ARNT: variants seen among roughly 807,000 people sequenced by gnomAD.
ARNT encodes aryl hydrocarbon receptor nuclear translocator.
Under a neutral mutation model 105.0 loss-of-function variants are expected in ARNT, and 30 were observed. The observed-to-expected ratio is 0.29, with a 90% CI of 0.21 to 0.39. The LOEUF is 0.39. Ranked by LOEUF, ARNT falls within the 10% of genes least tolerant of loss-of-function variation. ARNT has a pLI of 1.00. For synonymous variants in ARNT, 304 were observed against 344.0 expected (o/e 0.88, Z 1.29); for missense variants, 748 against 978.7 (o/e 0.76, Z 3.15).
chr1:150,839,242 T>C (rs1026859585), intron 6 of ARNT, among the ~76,000 whole-genome samples, 199 bp downstream of exon 6: 1 of 152,244 alleles, frequency 6.6e-6, no homozygotes, highest in African/African-American at 2.4e-5. Flanking sequence ...TTAATACTTA[T>C]TAGCTTATTA....
chr1:150,856,402 T>C (rs1437174531), intron 2 of ARNT, among the ~76,000 whole-genome samples: 1 of 151,616 alleles, frequency 6.6e-6, no homozygotes, highest in Non-Finnish European at 1.5e-5. Flanking sequence ...ATCACACTAC[T>C]GCACTCCAGC....
chr1:150,817,357 T>C lies in ARNT; in HGVS notation c.1578+4A>G, dbSNP rs763694765. 3.5e-5 allele frequency: 57 copies of C among 1,613,962 alleles called. No individual in the cohort carries two copies. The highest frequency in any genetic ancestry group is 4.4e-5 in the Non-Finnish European group (52 of 1,180,008). ...CCCTCTTCAACGAAGAGGACACAAC[T>C]CACCTGGGAATGATTGTAGCTGGCC... On this transcript the variant is annotated splice_donor_region_variant and intron_variant, in intron 16 of 21. Coordinates refer to ENST00000358595, the MANE Select transcript of ARNT (RefSeq NM_001668.4).
At chr1:150,852,186 T>C (rs1663748782) in intron 3 of ARNT, among the ~76,000 whole-genome samples, 1 of 152,198 alleles carries the variant, frequency 6.6e-6, no homozygotes, top group African/African-American at 2.4e-5. Context: ...ATGTACTTCC[T>C]TGTGTAACCC....
In ARNT at chr1:150,839,609, T is replaced by C. The variant is rs1275669157; in HGVS notation, c.318A>G (p.Thr106=). 1 of 1,614,190 alleles carries C rather than the reference T, an allele frequency of 6.2e-7. No individual in the cohort carries two copies. Among genetic ancestry groups the C allele is most frequent in the Admixed American group, 1.7e-5 (1 of 60,016 alleles). Residue 106 remains threonine (T), a synonymous_variant, in exon 6 of 22, where the codon ACA becomes ACG. Transcript: ENST00000358595. ...TATCTGACAGTTCTGTGATGTAGGC[T>C]GTCATCTTGTTCCGTCGCCGCCGTT... ...EIERRRRNKM[T]AYITELSDMV...
intron 3 of ARNT, among the ~76,000 whole-genome samples, chr1:150,848,024 G>A (rs898051343): frequency 2.6e-5 from 4 of 152,094 alleles, no homozygotes; most frequent in African/African-American, 9.7e-5. Context: ...AAAATGGCAA[G>A]CAATTTACAA....
At chr1:150,820,954 G>A (rs1239063354) in intron 14 of ARNT, among the ~76,000 whole-genome samples, 7 of 152,128 alleles carry the variant, frequency 4.6e-5, no homozygotes, top group Admixed American at 1.3e-4. Context: ...CTCCCAAAAC[G>A]TTACTACTAA....
chr1:150,860,183 G>A (rs1444370210), intron 1 of ARNT, among the ~76,000 whole-genome samples: 1 of 145,024 alleles, frequency 6.9e-6, no homozygotes, highest in Non-Finnish European at 1.5e-5. Flanking sequence ...CCAACAGAGT[G>A]AAAAGGCAAC....
chr1:150,836,502 GA>G lies in ARNT; in HGVS notation c.487-10del. The G allele has an allele frequency of 6.2e-7, 1 of 1,610,962 alleles. No individual in the cohort carries two copies. Among genetic ancestry groups the G allele is most frequent in the Non-Finnish European group, 8.5e-7 (1 of 1,178,758 alleles). ...ATCAAATGTTTCAGTTCCTGCGCAA[GA>G]AAAAGAAATAGAAGTTAATATTTTA... On this transcript the variant is annotated splice_polypyrimidine_tract_variant and intron_variant, in intron 6 of 21. Transcript: ENST00000358595.
intron 1 of ARNT, among the ~76,000 whole-genome samples, chr1:150,863,299 T>C (rs1665983344): frequency 1.3e-5 from 2 of 150,564 alleles, no homozygotes; most frequent in Non-Finnish European, 2.9e-5. Flanking sequence ...AAGGCTGCAG[T>C]GAGCCGAGAT....
Position 150,851,042 on chromosome 1 carries a change from C to A in ARNT, c.182+1720G>T, listed in dbSNP as rs587641733. Among the ~76,000 whole-genome samples, 18 of 146,836 alleles carry A rather than the reference C, an allele frequency of 1.2e-4. No individual in the cohort carries two copies. The East Asian group carries it at 3.6e-3, about 30-fold the overall frequency. Reference sequence around the variant, plus strand: ...CCGTCTGAGAAGTGAGGAGCCCCTCCGCCCGGCAGCCGCCCCGTCTGAGAA... The same window carrying A: ...CCGTCTGAGAAGTGAGGAGCCCCTCAGCCCGGCAGCCGCCCCGTCTGAGAA... On this transcript the variant is annotated intron_variant, in intron 3 of 21. Coordinates refer to ENST00000358595, the MANE Select transcript of ARNT (RefSeq NM_001668.4).
chr1:150,820,041 A>G (rs1656736824), intron 14 of ARNT, among the ~76,000 whole-genome samples: 1 of 152,244 alleles, frequency 6.6e-6, no homozygotes, highest in African/African-American at 2.4e-5. Context: ...TCTAAAGAAA[A>G]CTGACCAAAT....
At chr1:150,836,582 A>T in intron 6 of ARNT, 89 bp from the exon 7 acceptor site, 1 of 1,311,922 alleles carries the variant, frequency 7.6e-7, no homozygotes, top group Non-Finnish European at 1.0e-6. Flanking sequence ...ACTTCAGGCC[A>T]CATGCATCTC....
intron 6 of ARNT, among the ~76,000 whole-genome samples, 158 bp from the exon 7 acceptor site, chr1:150,836,651 T>C (rs1448222936): frequency 1.3e-5 from 2 of 152,226 alleles, no homozygotes; most frequent in Non-Finnish European, 2.9e-5. Flanking sequence ...ACCCTAAATG[T>C]AGTTCATCGA....
chr1:150,842,578 G>GA (rs149242771), intron 4 of ARNT, 110 bp from the exon 5 acceptor site: 728 of 703,440 alleles, frequency 1.0e-3, no homozygotes, highest in Non-Finnish European at 1.2e-3. Context: ...AATGGAGGGA[G>GA]AAAAAAAAAG....
At chr1:150,814,965 A>G (rs1655516062) in intron 19 of ARNT, among the ~76,000 whole-genome samples, 1 of 152,182 alleles carries the variant, frequency 6.6e-6, no homozygotes, top group Admixed American at 6.5e-5. Flanking sequence ...TTCTCATGAG[A>G]GTTCTGTATA....
intron 1 of ARNT, among the ~76,000 whole-genome samples, chr1:150,867,703 G>C (rs1409113351): frequency 3.3e-5 from 5 of 152,138 alleles, no homozygotes; most frequent in African/African-American, 1.2e-4. Context: ...CCCCAGTGTT[G>C]AAGGTGCAGT....
At chr1:150,820,517 C>CAAG (rs1038683986) in intron 14 of ARNT, among the ~76,000 whole-genome samples, 14 of 152,008 alleles carry the variant, frequency 9.2e-5, no homozygotes, top group African/African-American at 2.9e-4. Flanking sequence ...ATTAGCCAGG[C>CAAG]GTCTTGGTAG....
At chr1:150,861,274 G>C (rs917196787) in intron 1 of ARNT, 5 of 430,572 alleles carry the variant, frequency 1.2e-5, no homozygotes, top group African/African-American at 8.3e-5. Flanking sequence ...CGGGGTCTGA[G>C]GCAGGAGAAT....
At chr1:150,832,269 TA>T in intron 9 of ARNT, 64 bp downstream of exon 9, 2 of 1,554,694 alleles carry the variant, frequency 1.3e-6, no homozygotes, top group Non-Finnish European at 1.8e-6. Flanking sequence ...GTAAGACAGG[TA>T]AAAATGTGAT....
Sources: gnomAD v4.1 joint callset for allele counts (sites outside exome capture counted in the v4.1 genomes callset) on GRCh38, gnomAD v4.1.1 for gene constraint, MANE v1.5 for transcripts, NCBI Gene and HGNC (gene_info 2026-07-23, HGNC 2026-07-21) for gene names.